ATP9A: variants seen among roughly 807,000 people sequenced by gnomAD.
ATP9A encodes the protein probable phospholipid-transporting ATPase IIA.
A neutral mutation model predicts 144.1 loss-of-function variants in ATP9A; 52 were observed. The ratio of observed to expected loss-of-function variants is 0.36; its 90% CI spans 0.29 to 0.45. The LOEUF is 0.45. Among genes scored for constraint, ATP9A ranks in the 20% least tolerant of loss-of-function variants. ATP9A has a pLI of 1.00. For missense variants in ATP9A, 947 were observed against 1,392.7 expected, an observed-to-expected ratio of 0.68 and a Z score of 5.09; for synonymous variants, 582 against 557.4, an observed-to-expected ratio of 1.04 and a Z score of -0.62.
rs2077138076 is a variant in ATP9A, at chr20:51,600,590, G to A, written c.*621C>T. 1 of 152,128 alleles carries A rather than the reference G, an allele frequency of 6.6e-6. No individual in the cohort carries two copies. The highest frequency in any genetic ancestry group is 1.5e-5 in the Non-Finnish European group (1 of 68,062). The allele number at this position is 152,128 out of a possible 1,614,324, so 9.4% of individuals were successfully genotyped here. ...CTCTCTCCCTCTCCTCTCATTTACT[G>A]GTTACGATCCCAGGAATCCAGTGTA... On this transcript the variant is annotated 3_prime_UTR_variant, in exon 28 of 28. Coordinates refer to ENST00000338821, the MANE Select transcript of ATP9A (RefSeq NM_006045.3).
intron 6 of ATP9A, among the ~76,000 whole-genome samples, chr20:51,694,500 C>T (rs1054666435): frequency 7.9e-5 from 12 of 152,094 alleles, no homozygotes; most frequent in Non-Finnish European, 1.5e-4. Flanking sequence ...CCCAAACCAC[C>T]TGAGTGCAGG....
At chr20:51,707,814 C>A (rs2077620915) in intron 4 of ATP9A, among the ~76,000 whole-genome samples, 2 of 152,086 alleles carry the variant, frequency 1.3e-5, no homozygotes, top group Non-Finnish European at 2.9e-5. Flanking sequence ...ATGCAGAAAC[C>A]TAGCATAGAC....
At chr20:51,648,327 G>A (rs893255481) in intron 14 of ATP9A, among the ~76,000 whole-genome samples, 3 of 152,186 alleles carry the variant, frequency 2.0e-5, no homozygotes, top group African/African-American at 7.2e-5. Context: ...TTACACTCAC[G>A]TTCAGCAACA....
intron 1 of ATP9A, among the ~76,000 whole-genome samples, chr20:51,753,348 G>A (rs1169257625): frequency 3.9e-5 from 6 of 152,124 alleles, no homozygotes; most frequent in South Asian, 4.1e-4. Flanking sequence ...GGGAGGCAGA[G>A]GCGGAGGCAG....
In ATP9A at chr20:51,690,768, T is replaced by C. The variant is rs1011475894; in HGVS notation, c.694A>G (p.Ile232Val). The C allele has an allele frequency of 1.2e-5, 20 of 1,614,172 alleles. No homozygotes were observed. Among genetic ancestry groups the C allele is most frequent in the Non-Finnish European group, 1.7e-5 (20 of 1,180,026 alleles). Residue 232 changes from isoleucine to valine, a missense_variant, in exon 8 of 28, where the codon ATT (isoleucine) becomes GTT (valine). Ile to Val is a conservative substitution (Grantham distance 29). This residue lies in a region of ATP9A where 770 missense variants were observed against 1,047.9 expected (regional missense o/e 0.73). Transcript: ENST00000338821. Reference sequence around the variant, plus strand: ...GTAAAAGTTCCCACGAAGTTGTGAATGTCAATATTTGGCTCTTCTGCGTAC... The same window carrying C: ...GTAAAAGTTCCCACGAAGTTGTGAACGTCAATATTTGGCTCTTCTGCGTAC... ...YVYAEEPNID[I>V]HNFVGTFTRE...
At chr20:51,636,467 A>G (rs2077292626) in intron 15 of ATP9A, among the ~76,000 whole-genome samples, 1 of 152,244 alleles carries the variant, frequency 6.6e-6, no homozygotes, top group Admixed American at 6.5e-5. Flanking sequence ...ATGAAGCAAT[A>G]CGTAGTTAAT....
At chr20:51,669,736 A>C (rs958231343) in intron 13 of ATP9A, among the ~76,000 whole-genome samples, 1 of 152,164 alleles carries the variant, frequency 6.6e-6, no homozygotes, top group African/African-American at 2.4e-5. Flanking sequence ...TTTTATTCAA[A>C]GTGTAAAGGA....
chr20:51,706,050 C>T (rs2077613388), intron 4 of ATP9A, among the ~76,000 whole-genome samples: 1 of 152,228 alleles, frequency 6.6e-6, no homozygotes, highest in African/African-American at 2.4e-5. Flanking sequence ...TCCAAAAGCA[C>T]TACCCCATGT....
chr20:51,760,618 T>C (rs1803296509), intron 1 of ATP9A, among the ~76,000 whole-genome samples: 2 of 151,622 alleles, frequency 1.3e-5, no homozygotes, highest in African/African-American at 4.9e-5. Context: ...TCCCAGCTAC[T>C]TGGGAGGCTG....
At chr20:51,760,622 G>A (rs973970428) in intron 1 of ATP9A, among the ~76,000 whole-genome samples, 2 of 151,904 alleles carry the variant, frequency 1.3e-5, no homozygotes, top group Non-Finnish European at 2.9e-5. Flanking sequence ...AGCTACTTGG[G>A]AGGCTGAGGC....
chr20:51,670,222 C>T (rs982085789), intron 12 of ATP9A, 113 bp from the exon 13 acceptor site: 5 of 754,454 alleles, frequency 6.6e-6, no homozygotes, highest in Admixed American at 2.3e-5. Flanking sequence ...ACACTGCAGT[C>T]AGTACTGTCC....
intron 4 of ATP9A, among the ~76,000 whole-genome samples, chr20:51,704,982 T>C (rs1432143393): frequency 6.6e-6 from 1 of 152,190 alleles, no homozygotes; most frequent in Non-Finnish European, 1.5e-5. Flanking sequence ...TGCAGCAGTT[T>C]TGCTGCAGTA....
intron 9 of ATP9A, among the ~76,000 whole-genome samples, chr20:51,678,917 G>A (rs997738363): frequency 2.6e-5 from 4 of 152,144 alleles, no homozygotes; most frequent in African/African-American, 4.8e-5. Flanking sequence ...TCCTCAGTGA[G>A]ACCACCAACC....
intron 4 of ATP9A, among the ~76,000 whole-genome samples, chr20:51,703,399 A>G (rs2077602524): frequency 2.6e-5 from 4 of 152,220 alleles, no homozygotes; most frequent in Admixed American, 2.6e-4. Flanking sequence ...CAAAGGTAAG[A>G]GATTTTTGCA....
chr20:51,732,856 G>A (rs557689959), intron 1 of ATP9A, among the ~76,000 whole-genome samples: 5 of 152,102 alleles, frequency 3.3e-5, no homozygotes, highest in African/African-American at 9.6e-5. Flanking sequence ...GGAGAGGAGC[G>A]AAGGAAGATT....
At chr20:51,716,228 A>G (rs1216265686) in intron 3 of ATP9A, among the ~76,000 whole-genome samples, 2 of 152,184 alleles carry the variant, frequency 1.3e-5, no homozygotes, top group African/African-American at 4.8e-5. Flanking sequence ...TGGTCATCAT[A>G]TAATGTTACA....
At chr20:51,701,059 G>C (rs2077591467) in intron 4 of ATP9A, among the ~76,000 whole-genome samples, 2 of 152,224 alleles carry the variant, frequency 1.3e-5, no homozygotes, top group South Asian at 4.2e-4. Flanking sequence ...TCCTTCACCT[G>C]AGCTTGCCCC....
chr20:51,683,064 C>T (rs77068314), intron 9 of ATP9A, among the ~76,000 whole-genome samples: 5 of 150,742 alleles, frequency 3.3e-5, no homozygotes, highest in South Asian at 2.1e-4. Context: ...TGCACTCCAG[C>T]GTGGGGACAA....
chr20:51,751,037 T>C (rs1460342142), intron 1 of ATP9A, among the ~76,000 whole-genome samples: 1 of 152,078 alleles, frequency 6.6e-6, no homozygotes, highest in Non-Finnish European at 1.5e-5. Context: ...CTTGCAGCCA[T>C]GGGTCACGCG....
Sources: gnomAD v4.1 joint callset for allele counts (sites outside exome capture counted in the v4.1 genomes callset) on GRCh38, gnomAD v4.1.1 for gene constraint, gnomAD v4.1.1 regional missense constraint, MANE v1.5 for transcripts, NCBI Gene and HGNC (gene_info 2026-07-23, HGNC 2026-07-21) for gene names.